PIAS2: variants seen among roughly 807,000 people sequenced by gnomAD.
The protein encoded by PIAS2 is E3 SUMO-protein ligase PIAS2.
Under a neutral mutation model 69.7 loss-of-function variants are expected in PIAS2, and 19 were observed. That is an observed-to-expected ratio of 0.27 (90% CI 0.19 to 0.40). The LOEUF is 0.40. Ranked by LOEUF, PIAS2 falls within the 10% of genes least tolerant of loss-of-function variation. The pLI is 1.00. For synonymous variants in PIAS2, 261 were observed against 263.2 expected (o/e 0.99, Z 0.08); for missense variants, 624 against 757.0 (o/e 0.82, Z 2.06).
chr18:46,831,532 A>G (rs1267280105), intron 9 of PIAS2, among the ~76,000 whole-genome samples: 1 of 152,240 alleles, frequency 6.6e-6, no homozygotes, highest in East Asian at 1.9e-4. Flanking sequence ...AGAATCTACA[A>G]TAGCCAAGAT....
chr18:46,826,498 T>C (rs976723463), intron 11 of PIAS2, among the ~76,000 whole-genome samples: 2 of 152,238 alleles, frequency 1.3e-5, no homozygotes, highest in East Asian at 3.8e-4. Context: ...CTCATGTTTT[T>C]CCACTATATT....
At chr18:46,812,701 T>C (rs2041095126) in intron 13 of PIAS2, 89 bp from the exon 14 acceptor site, 5 of 718,308 alleles carry the variant, frequency 7.0e-6, no homozygotes, top group South Asian at 4.5e-5. Flanking sequence ...GCACAAGCAA[T>C]AGTCACATAT....
chr18:46,855,103 T>TTAAA (rs1306461365), intron 5 of PIAS2, among the ~76,000 whole-genome samples: 2 of 76,348 alleles, frequency 2.6e-5, no homozygotes, highest in Non-Finnish European at 4.6e-5. Flanking sequence ...CTTGTCTCTT[T>TTAAA]AAAAAAAAAA....
intron 9 of PIAS2, among the ~76,000 whole-genome samples, chr18:46,832,571 T>TATATCTAGTATC (rs2043806830): frequency 1.3e-5 from 2 of 152,090 alleles, no homozygotes; most frequent in South Asian, 4.2e-4. Flanking sequence ...AGTACCACTA[T>TATATCTAGTATC]ATACCACTAG....
chr18:46,828,029 C>T lies in PIAS2; in HGVS notation c.1438G>A (p.Glu480Lys), dbSNP rs1186605438. The change falls in exon 11 of 14, where the codon GAA (glutamate) becomes AAA (lysine). Residue 480 changes from glutamate to lysine, a missense_variant. Physicochemically the swap from Glu to Lys is moderately conservative, Grantham distance 56 (BLOSUM62 1). Transcript: ENST00000585916. ...IDLTIESSSD[E>K]EEDPPAKRKC... is the part of the protein sequence containing the mutation. The stretch of plus-strand genomic sequence containing the variant: ...CTTTTGGCAGGAGGGTCTTCCTCTT[C>T]GTCAGAAGAGCTTTCTATTGTAAGA... The T allele has an allele frequency of 1.1e-5, 17 of 1,613,784 alleles. No individual in the cohort carries two copies. Among genetic ancestry groups the T allele is most frequent in the Non-Finnish European group, 1.3e-5 (15 of 1,179,880 alleles).
intron 9 of PIAS2, among the ~76,000 whole-genome samples, 183 bp from the exon 10 acceptor site, chr18:46,830,050 T>C (rs2043370879): frequency 6.6e-6 from 1 of 152,182 alleles, no homozygotes. Flanking sequence ...GTTTTAAATC[T>C]GTAACAGGCA....
At position 46,879,401 on chromosome 18, in the gene PIAS2, T is replaced by C. The variant is rs538152392; in HGVS notation, c.499+11179A>G. On this transcript the variant is annotated intron_variant, in intron 2 of 13. Coordinates refer to ENST00000585916, the MANE Select transcript of PIAS2 (RefSeq NM_004671.5). ...TGGTCACTATAAAAAAAAATAGTAA[T>C]AATAGTAAGTGCAGATGAGGACAGG... 6.6e-5 allele frequency among the ~76,000 whole-genome samples: 10 copies of C among 151,418 alleles called. No homozygotes were observed. The South Asian group carries it at 1.9e-3, about 28-fold the overall frequency.
intron 5 of PIAS2, among the ~76,000 whole-genome samples, chr18:46,854,651 A>G (rs563844313): frequency 6.2e-4 from 95 of 152,314 alleles, no homozygotes; most frequent in Non-Finnish European, 9.6e-4. Context: ...GGCTGCATGC[A>G]TTTACATTGT....
At chr18:46,918,320 G>C (rs982929617), upstream of PIAS2, among the ~76,000 whole-genome samples, 1 of 152,116 alleles carries the variant, frequency 6.6e-6, no homozygotes, top group Non-Finnish European at 1.5e-5. Context: ...ACCCACACAC[G>C]AGAGGTCTTT....
chr18:46,817,237 T>A, intron 12 of PIAS2: 6 of 982,804 alleles, frequency 6.1e-6, no homozygotes, highest in Non-Finnish European at 7.3e-6. Flanking sequence ...CTGAAACCTT[T>A]TTATAACGCT....
At chr18:46,843,924 T>A in intron 8 of PIAS2, 130 bp downstream of exon 8, 1 of 550,124 alleles carries the variant, frequency 1.8e-6, no homozygotes, top group Non-Finnish European at 3.2e-6. Context: ...TCATGAAGAT[T>A]CCTTAATGGG....
chr18:46,848,919 G>A (rs905122019), intron 5 of PIAS2, among the ~76,000 whole-genome samples: 13 of 151,470 alleles, frequency 8.6e-5, no homozygotes, highest in Non-Finnish European at 1.5e-4. Context: ...CTGATTCAAT[G>A]AGCATCAAGC....
intron 2 of PIAS2, among the ~76,000 whole-genome samples, chr18:46,882,653 GA>G (rs2052467120): frequency 1.3e-5 from 2 of 152,106 alleles, no homozygotes; most frequent in African/African-American, 4.8e-5. Flanking sequence ...ACTTCTGAAT[GA>G]ATAAACAGTG....
intron 2 of PIAS2, among the ~76,000 whole-genome samples, chr18:46,875,852 A>G (rs1454221650): frequency 6.6e-6 from 1 of 152,234 alleles, no homozygotes; most frequent in Non-Finnish European, 1.5e-5. Context: ...CCGACCAGGC[A>G]TGAACTGTAT....
At chr18:46,824,992 CCT>C (rs1175278013) in intron 11 of PIAS2, among the ~76,000 whole-genome samples, 1 of 150,334 alleles carries the variant, frequency 6.7e-6, no homozygotes, top group East Asian at 1.9e-4. Context: ...AAACTGAGAC[CCT>C]GTCTCAAAAA....
chr18:46,835,810 T>C (rs1018403927), intron 9 of PIAS2, among the ~76,000 whole-genome samples: 5 of 152,328 alleles, frequency 3.3e-5, no homozygotes, highest in Admixed American at 2.0e-4. Context: ...ACATGGTACA[T>C]GGATGACGTG....
intron 9 of PIAS2, among the ~76,000 whole-genome samples, chr18:46,830,208 T>A (rs540143171): frequency 9.3e-4 from 142 of 152,144 alleles, no homozygotes; most frequent in African/African-American, 3.4e-3. Flanking sequence ...CATCAGCAGA[T>A]AAAGGTTACT....
At chr18:46,920,054 C>G (rs747582803), upstream of PIAS2, 1 of 1,289,472 alleles carries the variant, frequency 7.8e-7, no homozygotes, top group South Asian at 1.2e-5. Context: ...CCCACTGAAA[C>G]TTACGTGCAG....
intron 12 of PIAS2, among the ~76,000 whole-genome samples, chr18:46,818,741 C>A (rs2041843328): frequency 6.6e-6 from 1 of 151,982 alleles, no homozygotes; most frequent in South Asian, 2.1e-4. Context: ...ACTAGCAATT[C>A]TTCTAAAGCA....
Sources: gnomAD v4.1 joint callset for allele counts (sites outside exome capture counted in the v4.1 genomes callset) on GRCh38, gnomAD v4.1.1 for gene constraint, MANE v1.5 for transcripts, NCBI Gene and HGNC (gene_info 2026-07-23, HGNC 2026-07-21) for gene names.